Variants in ODAD2 observed in about 807,000 individuals in gnomAD.
ODAD2 encodes the protein outer dynein arm-docking complex subunit 2.
ODAD2 carries 89 observed loss-of-function variants against 106.8 expected under a neutral mutation model. That is an observed-to-expected ratio of 0.83 (90% CI 0.70 to 0.99). The LOEUF (loss-of-function observed/expected upper bound fraction) is 0.99. ODAD2 is among the 50% of genes least tolerant of loss of function. The probability of loss-of-function intolerance (pLI) is 0.00; values close to 1 mark genes in which losing one functional copy is unlikely to be tolerated. For synonymous variants in ODAD2, 404 were observed against 436.2 expected, an observed-to-expected ratio of 0.93 and a Z score of 0.92; for missense variants, 1,168 against 1,238.5, an observed-to-expected ratio of 0.94 and a Z score of 0.85.
chr10:27,832,409 T>C (rs1351278878), intron 19 of ODAD2, among the ~76,000 whole-genome samples: 2 of 152,176 alleles, frequency 1.3e-5, no homozygotes, highest in African/African-American at 4.8e-5. Flanking sequence ...AGAAGCATAC[T>C]GTCCAGGAAT....
intron 7 of ODAD2, among the ~76,000 whole-genome samples, chr10:27,980,642 G>C (rs766846723): frequency 1.3e-5 from 2 of 152,086 alleles, no homozygotes; most frequent in Non-Finnish European, 2.9e-5. Context: ...CACTGACTAC[G>C]ATGTTTATAA....
intron 17 of ODAD2, among the ~76,000 whole-genome samples, chr10:27,871,924 T>C (rs900167416): frequency 6.6e-6 from 1 of 152,204 alleles, no homozygotes; most frequent in Non-Finnish European, 1.5e-5. Flanking sequence ...GAGATGGTAT[T>C]AAATCTATAA....
At chr10:27,947,348 T>A (rs1327261909) in intron 10 of ODAD2, among the ~76,000 whole-genome samples, 1 of 152,008 alleles carries the variant, frequency 6.6e-6, no homozygotes, top group Non-Finnish European at 1.5e-5. Context: ...ACCTGTAATC[T>A]CAGCTACTCA....
intron 16 of ODAD2, among the ~76,000 whole-genome samples, chr10:27,912,971 G>A (rs1844112695): frequency 6.6e-6 from 1 of 152,172 alleles, no homozygotes; most frequent in South Asian, 2.1e-4. Flanking sequence ...GAGAAAAGAT[G>A]TGAATGTGGC....
At chr10:27,995,972 T>A (rs1409235128) in intron 1 of ODAD2, among the ~76,000 whole-genome samples, 3 of 151,962 alleles carry the variant, frequency 2.0e-5, no homozygotes, top group African/African-American at 7.3e-5. Flanking sequence ...ATCAGAAGAG[T>A]CTAGCAGTAA....
At chr10:27,990,551 A>G (rs1464884285) in intron 2 of ODAD2, among the ~76,000 whole-genome samples, 1 of 152,258 alleles carries the variant, frequency 6.6e-6, no homozygotes, top group Admixed American at 6.5e-5. Flanking sequence ...CTAAGAAACT[A>G]GCAGTCCTCA....
chr10:27,875,987 G>A (rs947083393), intron 17 of ODAD2, among the ~76,000 whole-genome samples: 3 of 152,278 alleles, frequency 2.0e-5, no homozygotes, highest in East Asian at 1.9e-4. Flanking sequence ...ACATGGCAGC[G>A]AGCCTGGGGG....
intron 2 of ODAD2, among the ~76,000 whole-genome samples, chr10:27,990,189 C>G (rs998877337): frequency 6.6e-6 from 1 of 151,958 alleles, no homozygotes; most frequent in Non-Finnish European, 1.5e-5. Flanking sequence ...GCTCTGTCAC[C>G]CAGGCTGGAG....
At chr10:27,849,838 T>A (rs1055267572) in intron 19 of ODAD2, among the ~76,000 whole-genome samples, 11 of 152,222 alleles carry the variant, frequency 7.2e-5, no homozygotes, top group African/African-American at 2.7e-4. Context: ...TAATTTTCAA[T>A]TCTTTTTAAA....
chr10:27,949,998 G>A (rs1314100339), intron 10 of ODAD2, among the ~76,000 whole-genome samples: 1 of 152,154 alleles, frequency 6.6e-6, no homozygotes, highest in Non-Finnish European at 1.5e-5. Flanking sequence ...CAGTGAGACA[G>A]GAAGGAAGGC....
chr10:27,994,833 A>T (rs1342959922), intron 2 of ODAD2, 86 bp downstream of exon 2: 6 of 1,411,860 alleles, frequency 4.2e-6, no homozygotes, highest in Non-Finnish European at 5.8e-6. Flanking sequence ...CAGAGAGGTT[A>T]GGTGACTTGC....
intron 18 of ODAD2, 83 bp from the exon 19 acceptor site, chr10:27,860,929 C>A: frequency 1.7e-6 from 2 of 1,174,788 alleles, no homozygotes; most frequent in Non-Finnish European, 2.5e-6. Flanking sequence ...TGTTTATTAA[C>A]CATTAAGACA....
intron 2 of ODAD2, among the ~76,000 whole-genome samples, chr10:27,991,289 G>T (rs999256737): frequency 1.3e-5 from 2 of 151,442 alleles, no homozygotes; most frequent in African/African-American, 4.9e-5. Flanking sequence ...GTGGAAAGAT[G>T]ATGACAAATG....
intron 17 of ODAD2, chr10:27,904,368 C>T: frequency 4.7e-6 from 1 of 213,876 alleles, no homozygotes; most frequent in Admixed American, 4.4e-5. Context: ...GCTGAGTACT[C>T]AGGAGGCTGA....
At chr10:27,944,191 A>T (rs3824590) in intron 12 of ODAD2, 31 bp downstream of exon 12, 23 of 1,573,958 alleles carry the variant, frequency 1.5e-5, no homozygotes, top group Non-Finnish European at 1.8e-5. Context: ...GGCTGGCACT[A>T]GATGACGATG....
intron 19 of ODAD2, among the ~76,000 whole-genome samples, chr10:27,854,937 C>G (rs1839556048): frequency 6.6e-6 from 1 of 151,958 alleles, no homozygotes; most frequent in Non-Finnish European, 1.5e-5. Context: ...CTGTAGGAAC[C>G]CATTTTTCTT....
At chr10:27,850,216 G>A (rs566652601) in intron 19 of ODAD2, among the ~76,000 whole-genome samples, 3 of 152,066 alleles carry the variant, frequency 2.0e-5, no homozygotes, top group Non-Finnish European at 2.9e-5. Flanking sequence ...AGGCCAAGAC[G>A]GGTGAATCAC....
chr10:27,850,444 C>CAAAAAAAAAAAAAAAAAAAA, intron 19 of ODAD2, among the ~76,000 whole-genome samples: 1 of 89,582 alleles, frequency 1.1e-5, no homozygotes, highest in African/African-American at 4.4e-5. Flanking sequence ...GACTCCGTCT[C>CAAAAAAAAAAAAAAAAAAAA]AAAAAAAAAA....
chr10:27,863,563 A>T lies in ODAD2; in HGVS notation c.2611-941T>A, dbSNP rs138855439. 4.3e-3 allele frequency among the ~76,000 whole-genome samples: 662 copies of T among 152,366 alleles called. 9 individuals carry two copies. Among genetic ancestry groups the T allele is most frequent in the African/African-American group, 0.015 (607 of 41,590 alleles). ...TGTGAATAATGTGGATCGACTTTAT[A>T]TATTCTTTTGCCATGATGTTGCCTA... On this transcript the variant is annotated intron_variant, in intron 17 of 19. Coordinates refer to ENST00000305242, the MANE Select transcript of ODAD2 (RefSeq NM_018076.5).
Sources: allele counts gnomAD v4.1 joint callset (sites outside exome capture counted in the v4.1 genomes callset), GRCh38; gene constraint gnomAD v4.1.1; transcripts MANE v1.5; gene names NCBI Gene and HGNC (gene_info 2026-07-23, HGNC 2026-07-21).